COL23A1: variants seen among roughly 807,000 people sequenced by gnomAD.
COL23A1 encodes the protein collagen type XXIII alpha 1 chain, also known as collagen alpha-1(XXIII) chain.
COL23A1 carries 97 observed loss-of-function variants against 99.3 expected under a neutral mutation model. That is an observed-to-expected ratio of 0.98 (90% confidence interval 0.83 to 1.16). The LOEUF (loss-of-function observed/expected upper bound fraction) is 1.16. Among genes scored for constraint, COL23A1 ranks in the 50% most tolerant of loss-of-function variants. COL23A1 has a pLI of 0.00. For missense variants in COL23A1, 762 were observed against 757.4 expected (o/e 1.01, Z -0.07); for synonymous variants, 320 against 308.2 (o/e 1.04, Z -0.40).
chr5:178,518,620 T>C (rs1759738561), intron 2 of COL23A1, among the ~76,000 whole-genome samples: 1 of 88,828 alleles, frequency 1.1e-5, no homozygotes, highest in Non-Finnish European at 2.0e-5. Flanking sequence ...TCTCAGACGA[T>C]GGGCGGCCGG....
intron 2 of COL23A1, among the ~76,000 whole-genome samples, chr5:178,538,435 T>C (rs1206171448): frequency 6.6e-6 from 1 of 152,204 alleles, no homozygotes; most frequent in African/African-American, 2.4e-5. Flanking sequence ...TATTAAAAAA[T>C]TAGATTCAGT....
chr5:178,505,440 G>A (rs56711672), intron 2 of COL23A1, among the ~76,000 whole-genome samples: 11,444 of 151,776 alleles, frequency 0.075, 1,465 homozygotes, highest in East Asian at 0.6. Context: ...TTTGGTAGAC[G>A]GGGTTTCATC....
intron 5 of COL23A1, among the ~76,000 whole-genome samples, chr5:178,282,873 CT>C (rs138374899): frequency 1.6e-4 from 24 of 148,578 alleles, no homozygotes; most frequent in Non-Finnish European, 2.1e-4. Context: ...TTTCTTTTTT[CT>C]TTTTTTTTTG....
chr5:178,536,115 C>A (rs550486049), intron 2 of COL23A1, among the ~76,000 whole-genome samples: 1 of 152,252 alleles, frequency 6.6e-6, no homozygotes, highest in Non-Finnish European at 1.5e-5. Context: ...GCAGCCACTA[C>A]GGAGGATGGG....
chr5:178,334,182 C>T (rs1357034939), intron 2 of COL23A1, among the ~76,000 whole-genome samples: 1 of 152,280 alleles, frequency 6.6e-6, no homozygotes. Context: ...GGCTGTGATG[C>T]GTTTCAGTTC....
intron 2 of COL23A1, among the ~76,000 whole-genome samples, chr5:178,357,588 C>CTT (rs988420535): frequency 6.6e-6 from 1 of 152,238 alleles, no homozygotes; most frequent in Non-Finnish European, 1.5e-5. Flanking sequence ...AGGGGCCAGC[C>CTT]TTTGACTCTA....
At chr5:178,557,950 T>A (rs1226090620) in intron 2 of COL23A1, among the ~76,000 whole-genome samples, 1 of 151,902 alleles carries the variant, frequency 6.6e-6, no homozygotes, top group Non-Finnish European at 1.5e-5. Context: ...AGGGTCGTCA[T>A]GCTGCACCCC....
chr5:178,393,738 C>T (rs149443283), intron 2 of COL23A1, among the ~76,000 whole-genome samples: 1,783 of 151,570 alleles, frequency 0.012, 34 homozygotes, highest in African/African-American at 0.04. Flanking sequence ...CGGGCTCAAG[C>T]GATTTTTCTG....
chr5:178,265,602 T>C lies in COL23A1; in HGVS notation c.522+1705A>G, dbSNP rs139727156. The C allele has an allele frequency of 4.2e-4, 365 of 879,042 alleles. 1 individual carries two copies. The African/African-American group carries it at 6.0e-3, about 14-fold the overall frequency. 54.5% of individuals were successfully genotyped at this position (879,042 alleles called of 1,614,324 possible). A position where few individuals can be genotyped will look rare whatever the true frequency, so the allele number is the denominator to read the frequency against. ...TCTAACCCTGCAAACGTGGGGTGAGTTGGGGGTAACACAGCAAGCCATCAG... is the reference window on the plus strand; with the variant it reads ...TCTAACCCTGCAAACGTGGGGTGAGCTGGGGGTAACACAGCAAGCCATCAG... On this transcript the variant is annotated intron_variant, in intron 8 of 28. Transcript: ENST00000390654.
chr5:178,264,226 G>A (rs56954148), intron 8 of COL23A1, among the ~76,000 whole-genome samples: 6,362 of 152,072 alleles, frequency 0.042, 160 homozygotes, highest in African/African-American at 0.063. Flanking sequence ...CCTGTTGTGA[G>A]ACTGTACTAC....
At chr5:178,333,697 G>A (rs1456590232) in intron 2 of COL23A1, among the ~76,000 whole-genome samples, 4 of 152,130 alleles carry the variant, frequency 2.6e-5, no homozygotes, top group Non-Finnish European at 5.9e-5. Context: ...CCCCCAGGCC[G>A]GGCCTGGGAG....
chr5:178,449,936 G>A (rs1767391984), intron 2 of COL23A1, among the ~76,000 whole-genome samples: 1 of 152,138 alleles, frequency 6.6e-6, no homozygotes, highest in Admixed American at 6.5e-5. Context: ...CGGCGCAGAA[G>A]AACAACACCT....
intron 2 of COL23A1, among the ~76,000 whole-genome samples, chr5:178,427,333 G>T (rs1267458539): frequency 6.6e-6 from 1 of 152,182 alleles, no homozygotes; most frequent in Non-Finnish European, 1.5e-5. Context: ...ATGCAGAAGG[G>T]TACAGGCCCT....
chr5:178,400,685 G>A (rs1275098331), intron 2 of COL23A1, among the ~76,000 whole-genome samples: 6 of 148,642 alleles, frequency 4.0e-5, no homozygotes, highest in African/African-American at 9.9e-5. Flanking sequence ...TTGCTCTATC[G>A]CCCAGGCTGG....
At chr5:178,314,021 C>G (rs1758846030) in intron 2 of COL23A1, among the ~76,000 whole-genome samples, 1 of 152,048 alleles carries the variant, frequency 6.6e-6, no homozygotes, top group Non-Finnish European at 1.5e-5. Flanking sequence ...CCCTCTGTCC[C>G]TTGGAGGAGT....
chr5:178,304,056 C>T (rs1581117125), intron 3 of COL23A1, among the ~76,000 whole-genome samples: 1 of 152,334 alleles, frequency 6.6e-6, no homozygotes, highest in South Asian at 2.1e-4. Context: ...GGAAATCCAT[C>T]CCATTTCAGA....
intron 2 of COL23A1, among the ~76,000 whole-genome samples, chr5:178,515,979 G>A (rs1759484372): frequency 6.6e-6 from 1 of 152,164 alleles, no homozygotes; most frequent in African/African-American, 2.4e-5. Flanking sequence ...TGTCTTGGTG[G>A]GTTCCTCAGG....
At chr5:178,529,199 G>A (rs187109298) in intron 2 of COL23A1, among the ~76,000 whole-genome samples, 156 of 152,316 alleles carry the variant, frequency 1.0e-3, no homozygotes, top group Middle Eastern at 0.01. Context: ...GCTTCTTTAC[G>A]TCTGGGTGGC....
intron 2 of COL23A1, among the ~76,000 whole-genome samples, chr5:178,354,983 G>A (rs756078125): frequency 5.9e-5 from 9 of 152,026 alleles, no homozygotes; most frequent in Non-Finnish European, 8.8e-5. Context: ...GCTTGAAACC[G>A]GGAGGCGGAG....
Sources: gnomAD v4.1 joint callset for allele counts (sites outside exome capture counted in the v4.1 genomes callset) on GRCh38, gnomAD v4.1.1 for gene constraint, MANE v1.5 for transcripts, NCBI Gene and HGNC (gene_info 2026-07-23, HGNC 2026-07-21) for gene names.